The following KCTD3 variants were observed in gnomAD, a reference collection of about 807,000 sequenced individuals.
KCTD3 encodes potassium channel tetramerization domain containing 3.
KCTD3 carries 41 observed loss-of-function variants against 85.8 expected under a neutral mutation model. The observed-to-expected ratio is 0.48, with a 90% CI of 0.37 to 0.62. The LOEUF is 0.62. Ranked by LOEUF, KCTD3 falls within the 20% of genes least tolerant of loss-of-function variation. KCTD3 has a pLI of 0.00. For synonymous variants in KCTD3, 338 were observed against 345.4 expected (o/e 0.98, Z 0.24); for missense variants, 724 against 989.9 (o/e 0.73, Z 3.60).
At chr1:215,591,432 A>C (rs1017067639) in intron 9 of KCTD3, among the ~76,000 whole-genome samples, 4 of 151,608 alleles carry the variant, frequency 2.6e-5, no homozygotes, top group Middle Eastern at 3.2e-3. Flanking sequence ...ATCATGGCTG[A>C]CTGCAACCTC....
At position 215,595,398 on chromosome 1, in the gene KCTD3, T is replaced by C; in HGVS notation, c.860T>C (p.Ile287Thr). The C allele has an allele frequency of 6.2e-7, 1 of 1,613,860 alleles. No homozygotes were observed. Among genetic ancestry groups the C allele is most frequent in the Non-Finnish European group, 8.5e-7 (1 of 1,179,786 alleles). ...GTTCCTGTAGATGCTCTCTTCTTTA[T>C]TGGTAACCAGTTGGTGGCCACGAGT... ...LGVPVDALFF[I>T]GNQLVATSHT... Residue 287 changes from isoleucine to threonine, a missense_variant, in exon 10 of 18, where the codon ATT becomes ACT. Physicochemically the swap from Ile to Thr is moderately conservative, Grantham distance 89 (BLOSUM62 -1). This residue lies in a region of KCTD3 where 146 missense variants were observed against 320.3 expected (regional missense o/e 0.46). Coordinates refer to ENST00000259154, the MANE Select transcript of KCTD3 (RefSeq NM_016121.5).
intron 14 of KCTD3, among the ~76,000 whole-genome samples, chr1:215,609,404 T>G (rs1177488225): frequency 6.6e-6 from 1 of 152,012 alleles, no homozygotes; most frequent in Non-Finnish European, 1.5e-5. Flanking sequence ...TGGGTAAGAA[T>G]AGTAAGACAT....
intron 8 of KCTD3, among the ~76,000 whole-genome samples, chr1:215,581,653 C>T (rs1026617430): frequency 1.3e-5 from 2 of 152,200 alleles, no homozygotes; most frequent in African/African-American, 4.8e-5. Flanking sequence ...GATGCTATTA[C>T]ATTTTCCAGT....
intron 15 of KCTD3, among the ~76,000 whole-genome samples, chr1:215,612,718 A>G (rs1490977306): frequency 6.6e-6 from 1 of 152,198 alleles, no homozygotes; most frequent in African/African-American, 2.4e-5. Flanking sequence ...TTTATAAAAT[A>G]AGGTTCAACG....
chr1:215,616,531 TG>T (rs200538044), intron 15 of KCTD3, among the ~76,000 whole-genome samples: 1,670 of 152,164 alleles, frequency 0.011, 24 homozygotes, highest in African/African-American at 0.038. Flanking sequence ...GAGGCTGAGG[TG>T]GGCGGATCAC....
intron 4 of KCTD3, among the ~76,000 whole-genome samples, chr1:215,577,267 G>A (rs549434385): frequency 6.6e-6 from 1 of 152,084 alleles, no homozygotes; most frequent in Admixed American, 6.5e-5. Flanking sequence ...AATTTATAGT[G>A]TAATTGGGGA....
intron 8 of KCTD3, among the ~76,000 whole-genome samples, chr1:215,582,710 C>T (rs1413954937): frequency 1.3e-5 from 2 of 151,906 alleles, no homozygotes; most frequent in African/African-American, 2.4e-5. Flanking sequence ...TACAGGTGTG[C>T]ACCACCACAC....
At chr1:215,608,783 A>T (rs183591137) in intron 14 of KCTD3, among the ~76,000 whole-genome samples, 471 of 152,048 alleles carry the variant, frequency 3.1e-3, no homozygotes, top group Non-Finnish European at 5.1e-3. Flanking sequence ...ATTTGAAAGA[A>T]TCTCACTGTC....
At chr1:215,610,462 G>T (rs1335860882) in intron 14 of KCTD3, among the ~76,000 whole-genome samples, 2 of 151,780 alleles carry the variant, frequency 1.3e-5, no homozygotes, top group East Asian at 3.9e-4. Context: ...GGGCAAAGAA[G>T]GTATGAAGAA....
chr1:215,568,008 C>G (rs550143960), intron 1 of KCTD3, among the ~76,000 whole-genome samples: 131 of 152,308 alleles, frequency 8.6e-4, no homozygotes, highest in African/African-American at 3.1e-3. Flanking sequence ...GCCCATGTGG[C>G]AGAGTAGCTG....
At chr1:215,577,239 T>C (rs1293728855) in intron 4 of KCTD3, among the ~76,000 whole-genome samples, 1 of 151,718 alleles carries the variant, frequency 6.6e-6, no homozygotes, top group Non-Finnish European at 1.5e-5. Flanking sequence ...AGATCAGAAA[T>C]AGATCATGCT....
In KCTD3 at chr1:215,576,728, C is replaced by T. The variant is rs373485512; in HGVS notation, c.257+754C>T. 8.6e-5 allele frequency among the ~76,000 whole-genome samples: 13 copies of T among 152,042 alleles called. 1 individual carries two copies. In the East Asian group the frequency reaches 2.1e-3, roughly 25 times the overall value. On this transcript the variant is annotated intron_variant, in intron 4 of 17. Coordinates refer to ENST00000259154, the MANE Select transcript of KCTD3 (RefSeq NM_016121.5). The stretch of plus-strand genomic sequence containing the variant: ...GACTACAGGCACCCGCCACCACACC[C>T]GGCTAATTTTTTTGTATTTTTAGTA...
intron 9 of KCTD3, among the ~76,000 whole-genome samples, chr1:215,588,583 A>T (rs1286834125): frequency 6.6e-6 from 1 of 152,052 alleles, no homozygotes; most frequent in Admixed American, 6.5e-5. Context: ...ATCAGTGTAA[A>T]TGTCAACACA....
chr1:215,590,247 T>G (rs764557545), intron 9 of KCTD3, among the ~76,000 whole-genome samples: 17 of 152,204 alleles, frequency 1.1e-4, no homozygotes, highest in Non-Finnish European at 2.4e-4. Context: ...TTTTGAGAAG[T>G]GTCTCTGTAA....
intron 1 of KCTD3, among the ~76,000 whole-genome samples, chr1:215,568,992 T>C (rs1451258974): frequency 6.6e-6 from 1 of 152,184 alleles, no homozygotes; most frequent in African/African-American, 2.4e-5. Context: ...TTTGGTAACT[T>C]GTGGAATACC....
chr1:215,578,145 G>C, intron 6 of KCTD3, 64 bp downstream of exon 6: 1 of 1,353,704 alleles, frequency 7.4e-7, no homozygotes. Flanking sequence ...ACAAGCATAT[G>C]AATAGGAAAA....
intron 9 of KCTD3, among the ~76,000 whole-genome samples, chr1:215,589,009 C>T (rs919047991): frequency 5.9e-5 from 9 of 152,118 alleles, no homozygotes; most frequent in South Asian, 2.1e-4. Flanking sequence ...ACTGTGATGT[C>T]GTAACTTACC....
chr1:215,570,718 CTAGT>C (rs1222571360), intron 1 of KCTD3, among the ~76,000 whole-genome samples: 2 of 152,102 alleles, frequency 1.3e-5, no homozygotes, highest in Non-Finnish European at 2.9e-5. Context: ...GAATAAATAA[CTAGT>C]TAGATTGCTA....
At chr1:215,598,753 A>C (rs1654710637) in intron 10 of KCTD3, among the ~76,000 whole-genome samples, 1 of 152,184 alleles carries the variant, frequency 6.6e-6, no homozygotes, top group African/African-American at 2.4e-5. Flanking sequence ...CTAAAAGAAA[A>C]TTAGTAAATT....
Sources: allele counts gnomAD v4.1 joint callset (sites outside exome capture counted in the v4.1 genomes callset), GRCh38; gene constraint gnomAD v4.1.1; regional missense constraint gnomAD v4.1.1; transcripts MANE v1.5; gene names NCBI Gene and HGNC (gene_info 2026-07-23, HGNC 2026-07-21).